The following BCAS2 variants were observed in gnomAD, a reference collection of about 807,000 sequenced individuals.
BCAS2 encodes pre-mRNA-splicing factor SPF27.
Under a neutral mutation model 35.3 loss-of-function variants are expected in BCAS2, and 34 were observed. That is an observed-to-expected ratio of 0.96 (90% CI 0.73 to 1.28). The LOEUF is 1.28. Among genes scored for constraint, BCAS2 ranks in the 50% most tolerant of loss-of-function variants. The probability of loss-of-function intolerance (pLI) is 0.00; values close to 1 mark genes in which losing one functional copy is unlikely to be tolerated. For synonymous variants in BCAS2, 75 were observed against 91.6 expected (o/e 0.82, Z 1.03); for missense variants, 221 against 268.1 (o/e 0.82, Z 1.23).
chr1:114,570,800 T>C (rs1382596915), intron 4 of BCAS2, 50 bp from the exon 5 acceptor site: 1 of 1,313,914 alleles, frequency 7.6e-7, no homozygotes, highest in African/African-American at 1.5e-5. Context: ...ATAGTACCAA[T>C]TAAAAGTGAA....
chr1:114,578,063 T>C (rs3789626), intron 2 of BCAS2, among the ~76,000 whole-genome samples: 75,188 of 151,924 alleles, frequency 0.49, 18,820 homozygotes, highest in Middle Eastern at 0.59. Flanking sequence ...TGATGGCACG[T>C]GCCTGTAATC....
At chr1:114,575,124 G>A (rs550970599) in intron 4 of BCAS2, among the ~76,000 whole-genome samples, 55 of 144,538 alleles carry the variant, frequency 3.8e-4, no homozygotes, top group African/African-American at 1.3e-3. Context: ...CACCCGCCTC[G>A]GCCTCCTGAA....
chr1:114,568,059 T>A lies in BCAS2; in HGVS notation c.*71A>T. On this transcript the variant is annotated 3_prime_UTR_variant, in exon 7 of 7. Coordinates refer to ENST00000369541, the MANE Select transcript of BCAS2 (RefSeq NM_005872.3). Reference sequence around the variant, plus strand: ...GGTTTTGGGAAGATGCTGTTGTCCTTCAAAGTTCATTAAAAGTTCAGATGC... The same window carrying A: ...GGTTTTGGGAAGATGCTGTTGTCCTACAAAGTTCATTAAAAGTTCAGATGC... 1 of 1,587,822 alleles carries A rather than the reference T, an allele frequency of 6.3e-7. No homozygotes were observed. Among genetic ancestry groups the A allele is most frequent in the African/African-American group, 1.3e-5 (1 of 74,202 alleles).
chr1:114,576,222 CCTCTCT>C (rs71580638), intron 3 of BCAS2, among the ~76,000 whole-genome samples: 112 of 135,070 alleles, frequency 8.3e-4, no homozygotes, highest in African/African-American at 2.8e-3. Context: ...TTCAACACTG[CCTCTCT>C]CTCTCTCTCT....
rs72698020 is a variant in BCAS2, at chr1:114,569,976, A to T, written c.551+16T>A. 141,831 of 1,574,158 alleles carry T rather than the reference A, an allele frequency of 0.09. 7,142 individuals are homozygous for T. The highest frequency in any genetic ancestry group is 0.11 in the Middle Eastern group (669 of 5,934). On this transcript the variant is annotated intron_variant, in intron 6 of 6. Coordinates refer to ENST00000369541, the MANE Select transcript of BCAS2 (RefSeq NM_005872.3). ...GGCTAAACAATTTAAAAGATGATGG[A>T]ATTATAGATACTCACTTTGACTCCA...
Position 114,570,006 on chromosome 1 carries a change from T to C in BCAS2, c.537A>G (p.Arg179=), listed in dbSNP as rs1253064940. 3 of 1,608,668 alleles carry C rather than the reference T, an allele frequency of 1.9e-6. No individual in the cohort carries two copies. The highest frequency in any genetic ancestry group is 2.6e-6 in the Non-Finnish European group (3 of 1,175,250). ...TAGATACTCACTTTGACTCCATTTCTCTCAATTTAGATCCAGCTGTGAGTT... is the reference window on the plus strand; with the variant it reads ...TAGATACTCACTTTGACTCCATTTCCCTCAATTTAGATCCAGCTGTGAGTT... The part of the protein sequence containing the change: ...NMQLTAGSKL[R]EMESNWVSLV... Residue 179 remains arginine, a synonymous_variant, in exon 6 of 7, where the codon AGA becomes AGG. Transcript: ENST00000369541.
intron 2 of BCAS2, 94 bp downstream of exon 2, chr1:114,581,205 G>A: frequency 1.6e-6 from 2 of 1,251,736 alleles, no homozygotes; most frequent in Non-Finnish European, 2.4e-6. Flanking sequence ...TAGTAGCTAT[G>A]CAGGCAATGG....
In BCAS2 at chr1:114,574,761, G is replaced by A. The variant is rs1348019801; in HGVS notation, c.419+829C>T. ...TTAGTACTCTTGAACTTTGAGGTGG[G>A]TTTCAAAATAGTGGCCTTTCATATG... is the stretch of plus-strand genomic sequence containing the variant. On this transcript the variant is annotated intron_variant, in intron 4 of 6. Coordinates refer to ENST00000369541, the MANE Select transcript of BCAS2 (RefSeq NM_005872.3). Among the ~76,000 whole-genome samples, 3 of 152,180 alleles carry A rather than the reference G, an allele frequency of 2.0e-5. No homozygotes were observed. In the East Asian group the frequency reaches 5.8e-4, roughly 29 times the overall value.
intron 2 of BCAS2, among the ~76,000 whole-genome samples, chr1:114,577,759 T>G (rs1654801268): frequency 6.6e-6 from 1 of 152,246 alleles, no homozygotes; most frequent in African/African-American, 2.4e-5. Context: ...ACCCTGAGGA[T>G]AAAGAACTGC....
intron 2 of BCAS2, among the ~76,000 whole-genome samples, chr1:114,577,397 A>C (rs555440871): frequency 2.6e-5 from 4 of 151,998 alleles, no homozygotes; most frequent in African/African-American, 9.6e-5. Flanking sequence ...TGTGAGACGA[A>C]GTCTCGCTCT....
Position 114,570,059 on chromosome 1 carries a change from C to A in BCAS2, c.484G>T (p.Asp162Tyr). The A allele has an allele frequency of 6.2e-7, 1 of 1,609,772 alleles. No homozygotes were observed. The highest frequency in any genetic ancestry group is 8.5e-7 in the Non-Finnish European group (1 of 1,176,516). The change falls in exon 6 of 7, where the codon GAT becomes TAT. Residue 162 changes from aspartate (D) to tyrosine (Y), a missense_variant. Transcript: ENST00000369541. ...ELQKLRKHIQDLNWQRKNMQL... is the reference protein window; with the variant it reads ...ELQKLRKHIQYLNWQRKNMQL... ...ATGTTCTTTCTCTGCCAGTTTAAATCTTGAATATGTTTTCTGTAAAAAATT... is the reference window on the plus strand; with the variant it reads ...ATGTTCTTTCTCTGCCAGTTTAAATATTGAATATGTTTTCTGTAAAAAATT...
intron 4 of BCAS2, among the ~76,000 whole-genome samples, chr1:114,573,882 T>C (rs1245414654): frequency 6.6e-6 from 1 of 152,222 alleles, no homozygotes; most frequent in Non-Finnish European, 1.5e-5. Context: ...TTCTGAAGAT[T>C]TGAGAAACAG....
In BCAS2 at chr1:114,581,324, GT is replaced by G; in HGVS notation, c.160del (p.Thr54GlnfsTer12). The G allele has an allele frequency of 1.2e-6, 2 of 1,614,210 alleles. No individual in the cohort carries two copies. Among genetic ancestry groups the G allele is most frequent in the Non-Finnish European group, 1.7e-6 (2 of 1,180,022 alleles). On this transcript the variant is annotated frameshift_variant, in exon 2 of 7. Coordinates refer to ENST00000369541, the MANE Select transcript of BCAS2 (RefSeq NM_005872.3). LOFTEE classifies it high-confidence loss of function. ...TTCAAAGGCAGAATAATCCGGGGCT[GT>G]CAGGTAGCTCAGGTAGTTCTTAGTA... is the stretch of plus-strand genomic sequence containing the variant. Reference protein sequence around the residue: ...RPTKNYLSYLTAPDYSAFETD... With the variant: ...RPTKNYLSYLXAPDYSAFETD...
At position 114,568,142 on chromosome 1, in the gene BCAS2, C is replaced by A. The variant is rs1439000407; in HGVS notation, c.666G>T (p.Arg222=). 6.2e-7 allele frequency: 1 copy of A among 1,612,492 alleles called. No homozygotes were observed. Among genetic ancestry groups the A allele is most frequent in the African/African-American group, 1.3e-5 (1 of 74,964 alleles). ...CTAAATTGTCTTTTCAGAAGTCTTG[C>A]CGGATGTTTTCTTTGTTTGCCTCTC... The part of the protein sequence containing the change: ...QHGEANKENI[R]QDF The change falls in exon 7 of 7, where the codon CGG becomes CGT. Residue 222 remains arginine (R), a synonymous_variant. Coordinates refer to ENST00000369541, the MANE Select transcript of BCAS2 (RefSeq NM_005872.3).
At chr1:114,570,980 C>T (rs1276673966) in intron 4 of BCAS2, among the ~76,000 whole-genome samples, 2 of 152,118 alleles carry the variant, frequency 1.3e-5, no homozygotes, top group South Asian at 2.1e-4. Flanking sequence ...CCTCAGCCTC[C>T]CAAGGAGCTG....
chr1:114,575,566 G>A, intron 4 of BCAS2, 24 bp downstream of exon 4: 1 of 1,562,354 alleles, frequency 6.4e-7, no homozygotes. Context: ...AAAAAAAACA[G>A]AAGATGAAGA....
intron 1 of BCAS2, 47 bp downstream of exon 1, chr1:114,581,452 C>G: frequency 1.2e-6 from 2 of 1,613,940 alleles, no homozygotes; most frequent in Non-Finnish European, 1.7e-6. Context: ...TCTTTCAGTA[C>G]CGAGCCAGCT....
chr1:114,568,263 T>C lies in BCAS2; in HGVS notation c.552-7A>G. ...ACTGACCAGGGATACCCAACTAGAA[T>C]GGGGGGGAAGAAAAGAAAAAAATTA... On this transcript the variant is annotated splice_region_variant and splice_polypyrimidine_tract_variant and intron_variant, in intron 6 of 6. Transcript: ENST00000369541. The C allele has an allele frequency of 1.2e-6, 2 of 1,608,738 alleles. No homozygotes were observed. Among genetic ancestry groups the C allele is most frequent in the Non-Finnish European group, 1.7e-6 (2 of 1,178,488 alleles).
At chr1:114,572,943 T>C (rs984336323) in intron 4 of BCAS2, among the ~76,000 whole-genome samples, 1 of 151,764 alleles carries the variant, frequency 6.6e-6, no homozygotes, top group Non-Finnish European at 1.5e-5. Context: ...TGAAACCCCG[T>C]CTCCACAAAA....
Sources: allele counts gnomAD v4.1 joint callset (sites outside exome capture counted in the v4.1 genomes callset), GRCh38; gene constraint gnomAD v4.1.1; transcripts MANE v1.5; gene names NCBI Gene and HGNC (gene_info 2026-07-23, HGNC 2026-07-21).